GNAZ: variants seen among roughly 807,000 people sequenced by gnomAD.
GNAZ encodes G protein subunit alpha z.
Under a neutral mutation model 25.4 loss-of-function variants are expected in GNAZ, and 3 were observed. The observed-to-expected ratio is 0.12, with a 90% CI of 0.05 to 0.30. GNAZ has a LOEUF of 0.30. GNAZ is among the 10% of genes least tolerant of loss of function. GNAZ has a pLI of 1.00. For missense variants in GNAZ, 241 were observed against 501.8 expected (o/e 0.48, Z 4.97); for synonymous variants, 211 against 205.7 (o/e 1.03, Z -0.22).
chr22:23,073,209 T>C (rs541252110), intron 1 of GNAZ, among the ~76,000 whole-genome samples: 162 of 152,354 alleles, frequency 1.1e-3, no homozygotes, highest in African/African-American at 3.7e-3. Flanking sequence ...CAGGTCAGCA[T>C]GCTGCTCTCC....
intron 2 of GNAZ, among the ~76,000 whole-genome samples, chr22:23,115,109 A>G (rs1006060039): frequency 6.6e-6 from 1 of 152,150 alleles, no homozygotes; most frequent in Admixed American, 6.5e-5. Flanking sequence ...AGCAAACTGC[A>G]TGGGGTCCTG....
rs1254808072 is a variant in GNAZ, at chr22:23,123,692, AGACTT to A, written c.*264_*268del. The A allele has an allele frequency of 2.2e-5, 11 of 501,376 alleles. No homozygotes were observed. Among genetic ancestry groups the A allele is most frequent in the Non-Finnish European group, 3.6e-5 (10 of 277,636 alleles). The allele number at this position is 501,376 out of a possible 1,614,324, so 31.1% of individuals were successfully genotyped here. On this transcript the variant is annotated 3_prime_UTR_variant, in exon 3 of 3. Coordinates refer to ENST00000615612, the MANE Select transcript of GNAZ (RefSeq NM_002073.4). ...CCTCTAAAATGTCGAGGTCTCTTGA[AGACTT>A]GAGAAGCTGTCACAAGGTCACTACA...
chr22:23,120,555 G>A (rs2069987617), intron 2 of GNAZ, among the ~76,000 whole-genome samples: 1 of 152,154 alleles, frequency 6.6e-6, no homozygotes, highest in Non-Finnish European at 1.5e-5. Context: ...CTGCCCAGGA[G>A]GTGATGGGCT....
chr22:23,076,633 C>T (rs978402320), intron 1 of GNAZ, among the ~76,000 whole-genome samples: 3 of 152,212 alleles, frequency 2.0e-5, no homozygotes, highest in East Asian at 1.9e-4. Flanking sequence ...GGGCTGACGC[C>T]GGGCCACTCA....
chr22:23,123,257 G>A lies in GNAZ; in HGVS notation c.894G>A (p.Glu298=). ...AGTACAAGGGCCAGAACACGTACGA[G>A]GAGGCCGCTGTCTACATCCAGCGGC... ...FPEYKGQNTY[E]EAAVYIQRQF... The change falls in exon 3 of 3, where the codon GAG becomes GAA. Residue 298 remains glutamate, a synonymous_variant. Coordinates refer to ENST00000615612, the MANE Select transcript of GNAZ (RefSeq NM_002073.4). The A allele has an allele frequency of 6.2e-7, 1 of 1,614,142 alleles. No homozygotes were observed. The highest frequency in any genetic ancestry group is 8.5e-7 in the Non-Finnish European group (1 of 1,180,034).
At chr22:23,098,303 G>A (rs1356637050) in intron 2 of GNAZ, among the ~76,000 whole-genome samples, 2 of 152,206 alleles carry the variant, frequency 1.3e-5, no homozygotes, top group Non-Finnish European at 2.9e-5. Flanking sequence ...CCCAAGTGGC[G>A]CCTCCTGGGA....
intron 2 of GNAZ, chr22:23,122,767 C>A (rs908551394): frequency 5.7e-6 from 2 of 353,938 alleles, no homozygotes; most frequent in Non-Finnish European, 1.0e-5. Context: ...AGGTGCCCAG[C>A]GGTTTAGGAG....
At chr22:23,083,890 C>CA (rs2068743836) in intron 1 of GNAZ, among the ~76,000 whole-genome samples, 1 of 152,200 alleles carries the variant, frequency 6.6e-6, no homozygotes, top group African/African-American at 2.4e-5. Flanking sequence ...CTGCAGTAGT[C>CA]AGGGGTCCTC....
chr22:23,077,063 C>T (rs1435729140), intron 1 of GNAZ, among the ~76,000 whole-genome samples: 2 of 152,224 alleles, frequency 1.3e-5, no homozygotes, highest in East Asian at 1.9e-4. Context: ...GGCTGTGCTG[C>T]AGCCCAGAGG....
chr22:23,107,982 A>C (rs533547891), intron 2 of GNAZ, among the ~76,000 whole-genome samples: 2 of 152,300 alleles, frequency 1.3e-5, no homozygotes, highest in East Asian at 3.9e-4. Context: ...AAAGCCTCCT[A>C]TAGGTGCCCA....
intron 2 of GNAZ, 127 bp downstream of exon 2, chr22:23,096,545 G>A: frequency 1.0e-6 from 1 of 989,652 alleles, no homozygotes. Flanking sequence ...TGGCCCTGCT[G>A]CACGATAACT....
rs766508619 is a variant in GNAZ at position 23,096,169 on chromosome 22, C to T, written c.474C>T (p.Asn158=). 8.7e-6 allele frequency: 14 copies of T among 1,612,988 alleles called. No homozygotes were observed. Among genetic ancestry groups the T allele is most frequent in the South Asian group, 5.5e-5 (5 of 91,084 alleles). ...AGGACAACGCGGCCTACTACCTGAA[C>T]GACCTGGAGCGCATCGCCGCAGCTG... ...HLEDNAAYYL[N]DLERIAAADY... The change falls in exon 2 of 3, where the codon AAC becomes AAT. Residue 158 remains asparagine, a synonymous_variant. Coordinates refer to ENST00000615612, the MANE Select transcript of GNAZ (RefSeq NM_002073.4).
At chr22:23,073,221 G>A (rs148736022) in intron 1 of GNAZ, among the ~76,000 whole-genome samples, 2 of 152,186 alleles carry the variant, frequency 1.3e-5, no homozygotes, top group Non-Finnish European at 2.9e-5. Context: ...CTGCTCTCCC[G>A]AACCCTCCAG....
intron 2 of GNAZ, among the ~76,000 whole-genome samples, chr22:23,103,227 C>G (rs1323165780): frequency 6.6e-6 from 1 of 152,190 alleles, no homozygotes; most frequent in Non-Finnish European, 1.5e-5. Context: ...TCAAAGCAGC[C>G]AGGTAGGAGT....
chr22:23,095,065 G>A (rs77532234), intron 1 of GNAZ, among the ~76,000 whole-genome samples, 182 bp from the exon 2 acceptor site: 3,896 of 152,334 alleles, frequency 0.026, 170 homozygotes, highest in African/African-American at 0.09. Flanking sequence ...GCAGACATAT[G>A]TGTTACACCA....
intron 2 of GNAZ, among the ~76,000 whole-genome samples, chr22:23,099,435 G>A (rs1364108191): frequency 6.6e-6 from 1 of 152,382 alleles, no homozygotes; most frequent in East Asian, 1.9e-4. Context: ...CCAACACCCA[G>A]CTGGGGCTTC....
At chr22:23,106,004 GCTC>G (rs2069460819) in intron 2 of GNAZ, among the ~76,000 whole-genome samples, 1 of 152,194 alleles carries the variant, frequency 6.6e-6, no homozygotes, top group Non-Finnish European at 1.5e-5. Context: ...GGACACAGGA[GCTC>G]CAGGCCCTTT....
intron 2 of GNAZ, among the ~76,000 whole-genome samples, chr22:23,104,477 C>T (rs1343559222): frequency 6.6e-6 from 1 of 152,212 alleles, no homozygotes; most frequent in Non-Finnish European, 1.5e-5. Context: ...CAACCTGCAT[C>T]GGCTAGGCTT....
chr22:23,116,041 G>A (rs2069823566), intron 2 of GNAZ, among the ~76,000 whole-genome samples: 1 of 152,260 alleles, frequency 6.6e-6, no homozygotes, highest in Non-Finnish European at 1.5e-5. Context: ...GGGTCCCACA[G>A]CAAACAACAA....
Sources: allele counts gnomAD v4.1 joint callset (sites outside exome capture counted in the v4.1 genomes callset), GRCh38; gene constraint gnomAD v4.1.1; transcripts MANE v1.5; gene names NCBI Gene and HGNC (gene_info 2026-07-23, HGNC 2026-07-21).